Variants in LCA5 observed in about 807,000 individuals in gnomAD.
The protein encoded by LCA5 is lebercilin LCA5.
Under a neutral mutation model 53.0 loss-of-function variants are expected in LCA5, and 37 were observed. That is an observed-to-expected ratio of 0.70 (90% CI 0.54 to 0.92). The LOEUF (loss-of-function observed/expected upper bound fraction) is 0.92. Among genes scored for constraint, LCA5 ranks in the 40% least tolerant of loss-of-function variants. The probability of loss-of-function intolerance (pLI) is 0.00; values close to 1 mark genes in which losing one functional copy is unlikely to be tolerated. For missense variants in LCA5, 806 were observed against 790.5 expected, an observed-to-expected ratio of 1.02 and a Z score of -0.23; for synonymous variants, 303 against 282.9, an observed-to-expected ratio of 1.07 and a Z score of -0.71.
intron 3 of LCA5, among the ~76,000 whole-genome samples, chr6:79,498,125 C>T (rs1236378089): frequency 6.6e-6 from 1 of 150,672 alleles, no homozygotes; most frequent in East Asian, 2.0e-4. Context: ...CACACTGATG[C>T]ATTTAGGGGT....
intron 3 of LCA5, among the ~76,000 whole-genome samples, chr6:79,499,848 C>G (rs140039672): frequency 6.7e-6 from 1 of 150,038 alleles, no homozygotes; most frequent in East Asian, 2.0e-4. Flanking sequence ...CTCCCCCACT[C>G]CCCCCACCCC....
chr6:79,527,560 G>A (rs909850131), intron 1 of LCA5, among the ~76,000 whole-genome samples: 3 of 152,128 alleles, frequency 2.0e-5, no homozygotes, highest in Middle Eastern at 3.2e-3. Flanking sequence ...TTACAGCAGC[G>A]CATGACTCCG....
At chr6:79,530,548 C>A (rs1420604600) in intron 1 of LCA5, among the ~76,000 whole-genome samples, 2 of 152,088 alleles carry the variant, frequency 1.3e-5, no homozygotes, top group African/African-American at 2.4e-5. Context: ...ACAATATATT[C>A]TTTTCTTTGC....
At chr6:79,510,496 G>A (rs1381433475) in intron 3 of LCA5, among the ~76,000 whole-genome samples, 1 of 152,070 alleles carries the variant, frequency 6.6e-6, no homozygotes, top group East Asian at 1.9e-4. Context: ...ATAGAAGAAA[G>A]TCTTTGGGAC....
Position 79,487,032 on chromosome 6 carries a change from T to C in LCA5, c.2066A>G (p.Asp689Gly), listed in dbSNP as rs749127744. ...TCTCAGTGCTACTTCTTCAATTTCA[T>C]CTTCTACAGAATCAGCTGCTTTTAC... is the stretch of plus-strand genomic sequence containing the variant. Reference protein sequence around the residue: ...PAVKAADSVEDEIEEVALR With the variant: ...PAVKAADSVEGEIEEVALR The change falls in exon 8 of 8, where the codon GAT (aspartate) becomes GGT (glycine). Residue 689 changes from aspartate (D) to glycine (G), a missense_variant. Coordinates refer to ENST00000369846, the MANE Select transcript of LCA5 (RefSeq NM_001122769.3). 1 of 1,613,472 alleles carries C rather than the reference T, an allele frequency of 6.2e-7. No homozygotes were observed. The highest frequency in any genetic ancestry group is 1.3e-5 in the African/African-American group (1 of 74,916).
chr6:79,519,432 G>C (rs1423907482), intron 1 of LCA5, among the ~76,000 whole-genome samples: 2 of 152,090 alleles, frequency 1.3e-5, no homozygotes, highest in Non-Finnish European at 2.9e-5. Context: ...GGGAGGCAGT[G>C]GGAGTGGAAG....
rs768115801 is a variant in LCA5 at position 79,518,884 on chromosome 6, C to A, written c.11G>T (p.Arg4Ile). The change falls in exon 2 of 8, where the codon AGA becomes ATA. Residue 4 changes from arginine (R) to isoleucine (I), a missense_variant. Coordinates refer to ENST00000369846, the MANE Select transcript of LCA5 (RefSeq NM_001122769.3). The part of the protein sequence containing the change: MGE[R>I]AGSPGTDQER... Reference sequence around the variant, plus strand: ...TTGATCAGTACCTGGACTTCCTGCTCTTTCCCCCATTGTTTTGAAAAATGG... The same window carrying A: ...TTGATCAGTACCTGGACTTCCTGCTATTTCCCCCATTGTTTTGAAAAATGG... The A allele has an allele frequency of 1.2e-6, 2 of 1,614,042 alleles. No homozygotes were observed. Among genetic ancestry groups the A allele is most frequent in the African/African-American group, 2.7e-5 (2 of 74,926 alleles).
intron 3 of LCA5, among the ~76,000 whole-genome samples, chr6:79,499,717 T>C (rs1223565801): frequency 1.3e-5 from 2 of 151,772 alleles, no homozygotes; most frequent in Non-Finnish European, 2.9e-5. Flanking sequence ...TATTATACTT[T>C]AAGTTTTAGG....
chr6:79,525,671 T>C (rs1382560394), intron 1 of LCA5, among the ~76,000 whole-genome samples: 1 of 152,224 alleles, frequency 6.6e-6, no homozygotes, highest in Non-Finnish European at 1.5e-5. Context: ...GGAAATTCCC[T>C]CTGCATTCCT....
At chr6:79,492,743 G>C (rs1486204647) in intron 4 of LCA5, 96 bp from the exon 5 acceptor site, 1 of 685,102 alleles carries the variant, frequency 1.5e-6, no homozygotes, top group African/African-American at 1.8e-5. Flanking sequence ...TTACCATATT[G>C]AAAGTTACCT....
rs9352741 is a variant in LCA5 at position 79,497,609 on chromosome 6, G to A, written c.721-3859C>T. Among the ~76,000 whole-genome samples the A allele has an allele frequency of 7.2e-4, 109 of 152,242 alleles. No homozygotes were observed. The East Asian group carries it at 0.015, about 21-fold the overall frequency. ...GTGGAAATGGTCCAGATAAAAGGAG[G>A]CTAGAAAGGTGGACAATTCAGTATA... is the stretch of plus-strand genomic sequence containing the variant. On this transcript the variant is annotated intron_variant, in intron 3 of 7. Transcript: ENST00000369846.
In LCA5 at chr6:79,489,165, G is replaced by C. The variant is rs1024031935; in HGVS notation, c.1150C>G (p.Pro384Ala). 3.1e-6 allele frequency: 5 copies of C among 1,612,490 alleles called. No individual in the cohort carries two copies. The African/African-American group carries it at 6.7e-5, about 22-fold the overall frequency. Residue 384 changes from proline to alanine, a missense_variant, in exon 7 of 8, where the codon CCA (proline) becomes GCA (alanine). Coordinates refer to ENST00000369846, the MANE Select transcript of LCA5 (RefSeq NM_001122769.3). ...DRHGEAGILN[P>A]IMEREEKFVT... Reference sequence around the variant, plus strand: ...AATTTTTCTTCTCTTTCCATAATTGGGTTTAGAATCCCTGCTTCTCCATGC... The same window carrying C: ...AATTTTTCTTCTCTTTCCATAATTGCGTTTAGAATCCCTGCTTCTCCATGC...
intron 3 of LCA5, among the ~76,000 whole-genome samples, chr6:79,499,909 A>G (rs1413564646): frequency 7.1e-6 from 1 of 141,670 alleles, no homozygotes; most frequent in Non-Finnish European, 1.5e-5. Context: ...ATGTGTTCTC[A>G]TTGTTCAATT....
At chr6:79,495,769 A>G (rs1406344927) in intron 3 of LCA5, among the ~76,000 whole-genome samples, 1 of 150,990 alleles carries the variant, frequency 6.6e-6, no homozygotes, top group Non-Finnish European at 1.5e-5. Context: ...AAAAAAAAAA[A>G]GTCGGTCCTC....
chr6:79,518,790 T>TCGGC lies in LCA5; in HGVS notation c.101_104dup (p.Ser36ProfsTer13). 1 of 1,614,148 alleles carries TCGGC rather than the reference T, an allele frequency of 6.2e-7. No homozygotes were observed. The highest frequency in any genetic ancestry group is 2.2e-5 in the East Asian group (1 of 44,866). On this transcript the variant is annotated frameshift_variant, in exon 2 of 8. Transcript: ENST00000369846. LOFTEE classifies it high-confidence loss of function. The stretch of plus-strand genomic sequence containing the variant: ...CAGGTGAAGAACTGACCAGCGATGA[T>TCGGC]CGGCCAGAAGACTGTGGCGTTTCAA...
At chr6:79,516,516 G>A (rs2575215) in intron 2 of LCA5, among the ~76,000 whole-genome samples, 70,611 of 151,428 alleles carry the variant, frequency 0.47, 17,317 homozygotes, top group East Asian at 0.82. Flanking sequence ...GATAAAAAAG[G>A]GTTTCCATAA....
chr6:79,502,621 C>T (rs1249961376), intron 3 of LCA5, among the ~76,000 whole-genome samples: 4 of 152,102 alleles, frequency 2.6e-5, no homozygotes, highest in African/African-American at 9.7e-5. Flanking sequence ...GTATCTTTTA[C>T]AGTTTTTAGA....
At position 79,485,493 on chromosome 6, in the gene LCA5, G is replaced by C. The variant is rs1394282; in HGVS notation, c.*1511C>G. On this transcript the variant is annotated 3_prime_UTR_variant, in exon 8 of 8. Coordinates refer to ENST00000369846, the MANE Select transcript of LCA5 (RefSeq NM_001122769.3). ...TAAGAAAACTTTTTAATATAGTTTA[G>C]CACTTTTGAGAGATTCTGTTCCCAA... The C allele has an allele frequency of 6.6e-6, 1 of 152,380 alleles. No homozygotes were observed. The highest frequency in any genetic ancestry group is 1.5e-5 in the Non-Finnish European group (1 of 68,008). 9.4% of individuals were successfully genotyped at this position (152,380 alleles called of 1,614,324 possible). A position where few individuals can be genotyped will look rare whatever the true frequency, so the allele number is the denominator to read the frequency against.
chr6:79,502,533 C>T (rs1006259968), intron 3 of LCA5, among the ~76,000 whole-genome samples: 4 of 152,146 alleles, frequency 2.6e-5, no homozygotes, highest in African/African-American at 4.8e-5. Context: ...AAAAATAAAA[C>T]GGATTTTAGA....
Sources: allele counts gnomAD v4.1 joint callset (sites outside exome capture counted in the v4.1 genomes callset), GRCh38; gene constraint gnomAD v4.1.1; transcripts MANE v1.5; gene names NCBI Gene and HGNC (gene_info 2026-07-23, HGNC 2026-07-21).